The following CARMIL1 variants were observed in gnomAD, a reference collection of about 807,000 sequenced individuals.
CARMIL1 encodes the protein capping protein regulator and myosin 1 linker 1.
In CARMIL1, 90 loss-of-function variants were observed where a neutral mutation model predicts 177.1. The ratio of observed to expected loss-of-function variants is 0.51; its 90% confidence interval spans 0.43 to 0.61. CARMIL1 has a LOEUF of 0.61. CARMIL1 is among the 20% of genes least tolerant of loss of function. The probability of loss-of-function intolerance (pLI) is 0.00; values close to 1 mark genes in which losing one functional copy is unlikely to be tolerated. For missense variants in CARMIL1, 1,380 were observed against 1,667.0 expected, an observed-to-expected ratio of 0.83 and a Z score of 3.00; for synonymous variants, 577 against 606.2, an observed-to-expected ratio of 0.95 and a Z score of 0.71.
At chr6:25,295,607 G>T (rs1336009905) in intron 2 of CARMIL1, among the ~76,000 whole-genome samples, 1 of 152,162 alleles carries the variant, frequency 6.6e-6, no homozygotes, top group Non-Finnish European at 1.5e-5. Context: ...CTACTTGGCA[G>T]AATGGCTTGT....
chr6:25,519,822 G>A (rs980152852), intron 22 of CARMIL1, among the ~76,000 whole-genome samples: 1 of 152,146 alleles, frequency 6.6e-6, no homozygotes, highest in Admixed American at 6.5e-5. Flanking sequence ...CCAGTTTGGG[G>A]CTGGTTGTCA....
chr6:25,591,715 C>T (rs1056623282), intron 31 of CARMIL1, among the ~76,000 whole-genome samples: 1 of 152,180 alleles, frequency 6.6e-6, no homozygotes, highest in East Asian at 1.9e-4. Context: ...CTCCTGCTTC[C>T]TATTTTAACA....
chr6:25,610,268 C>T, intron 36 of CARMIL1, 87 bp downstream of exon 36: 3 of 1,407,318 alleles, frequency 2.1e-6, no homozygotes, highest in Non-Finnish European at 2.8e-6. Flanking sequence ...CTGGACTTTA[C>T]TAATATCTTA....
At chr6:25,454,970 T>C (rs1225185332) in intron 8 of CARMIL1, among the ~76,000 whole-genome samples, 1 of 152,152 alleles carries the variant, frequency 6.6e-6, no homozygotes, top group Non-Finnish European at 1.5e-5. Context: ...AATTTGGAGG[T>C]GTCAGAAAAG....
At chr6:25,448,107 G>C (rs553763052) in intron 5 of CARMIL1, among the ~76,000 whole-genome samples, 2 of 152,006 alleles carry the variant, frequency 1.3e-5, no homozygotes, top group Admixed American at 6.5e-5. Flanking sequence ...GTCCTGGAAA[G>C]TTCTTTTTTA....
At chr6:25,523,725 A>G (rs1398785767) in intron 23 of CARMIL1, among the ~76,000 whole-genome samples, 2 of 152,232 alleles carry the variant, frequency 1.3e-5, no homozygotes, top group Non-Finnish European at 1.5e-5. Flanking sequence ...CTGTCAAAGA[A>G]CTTAAGCCAC....
chr6:25,506,097 A>G (rs1804881361), intron 17 of CARMIL1, among the ~76,000 whole-genome samples: 1 of 152,246 alleles, frequency 6.6e-6, no homozygotes, highest in South Asian at 2.1e-4. Flanking sequence ...TCCATTTGAT[A>G]GTCATTCAAC....
chr6:25,455,981 C>G (rs1799489124), intron 8 of CARMIL1, among the ~76,000 whole-genome samples: 1 of 152,158 alleles, frequency 6.6e-6, no homozygotes, highest in South Asian at 2.1e-4. Flanking sequence ...GGTCATTGTT[C>G]TGTCACCAAG....
At chr6:25,301,001 G>C (rs1302073139) in intron 2 of CARMIL1, among the ~76,000 whole-genome samples, 1 of 152,164 alleles carries the variant, frequency 6.6e-6, no homozygotes, top group African/African-American at 2.4e-5. Context: ...TGGCTTCCCT[G>C]CAAGAGCCTG....
chr6:25,512,519 A>C (rs925021095), intron 20 of CARMIL1, among the ~76,000 whole-genome samples: 4 of 152,234 alleles, frequency 2.6e-5, no homozygotes, highest in Non-Finnish European at 5.9e-5. Flanking sequence ...TGTGATGATA[A>C]AAATTTTTAC....
At chr6:25,293,975 G>C (rs1228275878) in intron 2 of CARMIL1, among the ~76,000 whole-genome samples, 1 of 152,184 alleles carries the variant, frequency 6.6e-6, no homozygotes, top group East Asian at 1.9e-4. Context: ...ACCTGCCTTG[G>C]CCTCCCAAAG....
At position 25,391,917 on chromosome 6, in the gene CARMIL1, C is replaced by CCA. The variant is rs546815313; in HGVS notation, c.139-28194_139-28193dup. Among the ~76,000 whole-genome samples, 267 of 152,238 alleles carry CCA rather than the reference C, an allele frequency of 1.8e-3. 1 individual carries two copies. Among genetic ancestry groups the CCA allele is most frequent in the African/African-American group, 6.2e-3 (259 of 41,554 alleles). On this transcript the variant is annotated intron_variant, in intron 2 of 36. Transcript: ENST00000329474. ...GAACTAAAAAATTGTCCCTGGCATG[C>CCA]CACATTCTTCTTCCAAACTGTGAGA...
intron 5 of CARMIL1, among the ~76,000 whole-genome samples, chr6:25,443,276 A>G (rs2150808240): frequency 6.6e-6 from 1 of 152,352 alleles, no homozygotes; most frequent in Middle Eastern, 3.4e-3. Flanking sequence ...TGCCATTAAA[A>G]TGCCAGATGA....
At chr6:25,346,658 C>G (rs1172145441) in intron 2 of CARMIL1, among the ~76,000 whole-genome samples, 1 of 152,224 alleles carries the variant, frequency 6.6e-6, no homozygotes, top group Non-Finnish European at 1.5e-5. Flanking sequence ...ATTGCTTATT[C>G]CTGGGGACTA....
At chr6:25,357,249 A>G (rs896313262) in intron 2 of CARMIL1, among the ~76,000 whole-genome samples, 1 of 152,300 alleles carries the variant, frequency 6.6e-6, no homozygotes, top group Non-Finnish European at 1.5e-5. Flanking sequence ...ATTTGAAAGC[A>G]CTTGAAATTT....
chr6:25,326,520 G>T lies in CARMIL1; in HGVS notation c.138+41611G>T, dbSNP rs73732939. Among the ~76,000 whole-genome samples, 1 of 152,210 alleles carries T rather than the reference G, an allele frequency of 6.6e-6. No individual in the cohort carries two copies. Among genetic ancestry groups the T allele is most frequent in the African/African-American group, 2.4e-5 (1 of 41,450 alleles). On this transcript the variant is annotated intron_variant, in intron 2 of 36. Transcript: ENST00000329474. The surrounding 1 kb of genome is among the most constrained non-coding windows in gnomAD (Gnocchi z 4.2). The stretch of plus-strand genomic sequence containing the variant: ...GAGGTCAGGCTTGGTCTAGGGCAGT[G>T]CTTCTCAATGTGTGGTCTCAGGATC...
At chr6:25,455,236 A>C (rs769178406) in intron 8 of CARMIL1, among the ~76,000 whole-genome samples, 3 of 152,184 alleles carry the variant, frequency 2.0e-5, no homozygotes, top group Non-Finnish European at 4.4e-5. Flanking sequence ...CAGCTAGAGA[A>C]AGCTGTACTT....
intron 2 of CARMIL1, among the ~76,000 whole-genome samples, chr6:25,291,872 A>T (rs548212306): frequency 6.6e-6 from 1 of 152,324 alleles, no homozygotes; most frequent in Non-Finnish European, 1.5e-5. Flanking sequence ...CACAGTTTTT[A>T]AAATAACTAG....
At chr6:25,331,251 A>T (rs1157569794) in intron 2 of CARMIL1, among the ~76,000 whole-genome samples, 2 of 152,174 alleles carry the variant, frequency 1.3e-5, no homozygotes, top group Non-Finnish European at 2.9e-5. Context: ...GTTATGTGTT[A>T]TGCCAGGACC....
Sources: gnomAD v4.1 joint callset for allele counts (sites outside exome capture counted in the v4.1 genomes callset) on GRCh38, gnomAD v4.1.1 for gene constraint, Gnocchi (gnomAD v3.1) non-coding constraint, MANE v1.5 for transcripts, NCBI Gene and HGNC (gene_info 2026-07-23, HGNC 2026-07-21) for gene names.